Variants in NRAP observed in about 807,000 individuals in gnomAD.
The protein encoded by NRAP is nebulin related anchoring protein.
NRAP carries 189 observed loss-of-function variants against 225.9 expected under a neutral mutation model. The observed-to-expected ratio is 0.84, with a 90% CI of 0.74 to 0.94. The LOEUF is 0.94. Ranked by LOEUF, NRAP falls within the 40% of genes least tolerant of loss-of-function variation. The probability of loss-of-function intolerance (pLI) is 0.00; values close to 1 mark genes in which losing one functional copy is unlikely to be tolerated. For missense variants in NRAP, 2,176 were observed against 2,168.7 expected (o/e 1.00, Z -0.07); for synonymous variants, 769 against 790.7 (o/e 0.97, Z 0.46).
chr10:113,596,013 G>A (rs146638291), intron 37 of NRAP, among the ~76,000 whole-genome samples: 223 of 152,248 alleles, frequency 1.5e-3, no homozygotes, highest in African/African-American at 5.2e-3. Context: ...GCCATACCTG[G>A]GTGTTTTACA....
chr10:113,610,214 G>A (rs1358721952), intron 31 of NRAP, among the ~76,000 whole-genome samples: 5 of 151,916 alleles, frequency 3.3e-5, no homozygotes, highest in Non-Finnish European at 1.5e-5. Flanking sequence ...GCCAGGCATG[G>A]TGGCACTCAC....
intron 12 of NRAP, 111 bp from the exon 13 acceptor site, chr10:113,641,583 C>A: frequency 4.6e-6 from 3 of 658,642 alleles, no homozygotes; most frequent in South Asian, 1.9e-5. Flanking sequence ...AAATATAACC[C>A]ATTTAAATAG....
chr10:113,631,790 G>T, intron 17 of NRAP, 67 bp downstream of exon 17: 1 of 1,030,946 alleles, frequency 9.7e-7, no homozygotes. Context: ...ATTTTTTTCA[G>T]CAGGACCACT....
At chr10:113,655,386 T>G (rs1209122638) in intron 4 of NRAP, among the ~76,000 whole-genome samples, 1 of 151,878 alleles carries the variant, frequency 6.6e-6, no homozygotes, top group African/African-American at 2.4e-5. Flanking sequence ...CCTTGCAAAT[T>G]TGCAATAGAA....
At chr10:113,619,919 C>T (rs1471755970) in intron 25 of NRAP, among the ~76,000 whole-genome samples, 1 of 152,150 alleles carries the variant, frequency 6.6e-6, no homozygotes, top group Non-Finnish European at 1.5e-5. Flanking sequence ...TTTTGGTTGT[C>T]ACAGAGGGCA....
intron 32 of NRAP, among the ~76,000 whole-genome samples, chr10:113,606,825 T>G (rs1846996981): frequency 6.6e-6 from 1 of 152,144 alleles, no homozygotes; most frequent in African/African-American, 2.4e-5. Context: ...CTCAGCACTT[T>G]GAGTGGATGA....
At position 113,588,876 on chromosome 10, in the gene NRAP, G is replaced by C. The variant is rs957653359; in HGVS notation, c.*99C>G. Reference sequence around the variant, plus strand: ...AATAAAGGAAGATCTGGGATGGGCTGGTGGGCCATTCCAGCTTGCCGAAAT... The same window carrying C: ...AATAAAGGAAGATCTGGGATGGGCTCGTGGGCCATTCCAGCTTGCCGAAAT... On this transcript the variant is annotated 3_prime_UTR_variant, in exon 42 of 42. Coordinates refer to ENST00000359988, the MANE Select transcript of NRAP (RefSeq NM_198060.4). The C allele has an allele frequency of 1.2e-6, 1 of 813,590 alleles. No homozygotes were observed. Among genetic ancestry groups the C allele is most frequent in the African/African-American group, 1.7e-5 (1 of 58,916 alleles). The allele number at this position is 813,590 out of a possible 1,614,324, so 50.4% of individuals were successfully genotyped here. A position where few individuals can be genotyped will look rare whatever the true frequency, so the allele number is the denominator to read the frequency against.
intron 26 of NRAP, 45 bp from the exon 27 acceptor site, chr10:113,615,861 A>G (rs776304601): frequency 1.9e-6 from 2 of 1,071,770 alleles, no homozygotes; most frequent in Non-Finnish European, 2.9e-6. Context: ...ACCCCATTCC[A>G]TGCAGCCATC....
At chr10:113,663,673 G>C (rs1850839253) in intron 1 of NRAP, 138 bp downstream of exon 1, 1 of 703,008 alleles carries the variant, frequency 1.4e-6, no homozygotes, top group South Asian at 1.8e-5. Context: ...AAATAAAGGT[G>C]AGAAAATATA....
chr10:113,646,195 TTAAAA>T (rs1265901064), intron 10 of NRAP, among the ~76,000 whole-genome samples: 1 of 152,174 alleles, frequency 6.6e-6, no homozygotes, highest in Non-Finnish European at 1.5e-5. Context: ...AAAAAAAGTC[TTAAAA>T]TAATCATAAC....
intron 9 of NRAP, among the ~76,000 whole-genome samples, chr10:113,649,175 G>A (rs149396700): frequency 8.0e-4 from 122 of 152,198 alleles, no homozygotes; most frequent in African/African-American, 2.7e-3. Context: ...AGTCCCAACC[G>A]ACCTTCACAC....
At chr10:113,591,243 G>A (rs148730600) in intron 39 of NRAP, among the ~76,000 whole-genome samples, 1 of 152,324 alleles carries the variant, frequency 6.6e-6, no homozygotes, top group East Asian at 1.9e-4. Flanking sequence ...GAAGATAAAT[G>A]TGCCCATTCT....
At chr10:113,605,899 T>A (rs780991628) in intron 33 of NRAP, 30 bp from the exon 34 acceptor site, 34 of 1,515,044 alleles carry the variant, frequency 2.2e-5, no homozygotes, top group African/African-American at 4.1e-5. Flanking sequence ...AAATCTTTTT[T>A]AAAAAATTAC....
At chr10:113,630,371 T>C (rs1848513163) in intron 18 of NRAP, among the ~76,000 whole-genome samples, 2 of 152,070 alleles carry the variant, frequency 1.3e-5, no homozygotes, top group East Asian at 1.9e-4. Flanking sequence ...ATGATGGTGA[T>C]GATGGCAGCA....
chr10:113,630,316 G>A (rs1056862588), intron 18 of NRAP, among the ~76,000 whole-genome samples: 1 of 152,222 alleles, frequency 6.6e-6, no homozygotes, highest in Non-Finnish European at 1.5e-5. Flanking sequence ...TGGTGGTTCG[G>A]TGGTGATGAT....
intron 25 of NRAP, 50 bp from the exon 26 acceptor site, chr10:113,617,603 T>G: frequency 9.3e-7 from 1 of 1,078,934 alleles, no homozygotes; most frequent in Non-Finnish European, 1.4e-6. Flanking sequence ...TGCTCTTTCA[T>G]GCCATTTGAA....
rs1173504823 is a variant in NRAP, at chr10:113,654,029, G to C, written c.457C>G (p.Leu153Val). 2.5e-6 allele frequency: 4 copies of C among 1,609,032 alleles called. No homozygotes were observed. Among genetic ancestry groups the C allele is most frequent in the Non-Finnish European group, 3.4e-6 (4 of 1,175,516 alleles). ...IVRMVEARKS[L>V]GEEYTEDYEQ... ...ATTTCTAGGGTGCTTACCTCACCAAGAGACTTTCGAGCCTCAACCATCCTT... is the reference window on the plus strand; with the variant it reads ...ATTTCTAGGGTGCTTACCTCACCAACAGACTTTCGAGCCTCAACCATCCTT... Residue 153 changes from leucine to valine, a missense_variant, in exon 5 of 42, where the codon CTT becomes GTT. Transcript: ENST00000359988.
At chr10:113,649,435 C>A (rs1239704845) in intron 9 of NRAP, among the ~76,000 whole-genome samples, 3 of 152,194 alleles carry the variant, frequency 2.0e-5, no homozygotes, top group Non-Finnish European at 4.4e-5. Context: ...TTCCTTTCTA[C>A]CCTACAACAC....
chr10:113,614,069 G>A (rs1034383094), intron 29 of NRAP, 114 bp downstream of exon 29: 3 of 728,430 alleles, frequency 4.1e-6, no homozygotes, highest in African/African-American at 3.5e-5. Flanking sequence ...CACGTAGCAA[G>A]TTAGCAACAG....
Sources: gnomAD v4.1 joint callset for allele counts (sites outside exome capture counted in the v4.1 genomes callset) on GRCh38, gnomAD v4.1.1 for gene constraint, MANE v1.5 for transcripts, NCBI Gene and HGNC (gene_info 2026-07-23, HGNC 2026-07-21) for gene names.